PHLDB2: variants seen among roughly 807,000 people sequenced by gnomAD.
The protein encoded by PHLDB2 is pleckstrin homology like domain family B member 2, also known as pleckstrin homology-like domain family B member 2.
In PHLDB2, 71 loss-of-function variants were observed where a neutral mutation model predicts 123.6. The ratio of observed to expected loss-of-function variants is 0.57; its 90% CI spans 0.47 to 0.70. The LOEUF (loss-of-function observed/expected upper bound fraction) is 0.70, where lower values mean the gene tolerates loss of function less well. PHLDB2 is among the 30% of genes least tolerant of loss of function. The pLI, the probability that PHLDB2 is intolerant of heterozygous loss-of-function variation, is 0.00. For missense variants in PHLDB2, 1,446 were observed against 1,519.5 expected (o/e 0.95, Z 0.80); for synonymous variants, 547 against 541.6 (o/e 1.01, Z -0.14).
In PHLDB2 at chr3:111,885,152, T is replaced by A; in HGVS notation, c.1075T>A (p.Tyr359Asn). The stretch of plus-strand genomic sequence containing the variant: ...CTCTGATGACTTTGATCAGGCTTCA[T>A]ATGTGGGGACAAACCCGAGTCATTC... ...CASDDFDQASYVGTNPSHSLL... is the reference protein window; with the variant it reads ...CASDDFDQASNVGTNPSHSLL... The change falls in exon 2 of 18, where the codon TAT (tyrosine) becomes AAT (asparagine). Residue 359 changes from tyrosine (Y) to asparagine (N), a missense_variant. Physicochemically the swap from Tyr to Asn is moderately radical, Grantham distance 143. Around this residue, in one of 3 missense-constraint regions of PHLDB2, gnomAD observed 832 missense variants for 831.9 expected, o/e 1.00. Coordinates refer to ENST00000431670, the MANE Select transcript of PHLDB2 (RefSeq NM_001134438.2). 1.2e-6 allele frequency: 2 copies of A among 1,614,094 alleles called. No individual in the cohort carries two copies. The highest frequency in any genetic ancestry group is 1.7e-6 in the Non-Finnish European group (2 of 1,180,016).
intron 5 of PHLDB2, 103 bp downstream of exon 5, chr3:111,920,522 T>C: frequency 7.2e-7 from 1 of 1,397,422 alleles, no homozygotes; most frequent in Non-Finnish European, 9.6e-7. Context: ...TGGATTTGTG[T>C]GTCATGTTCC....
chr3:111,854,830 GA>G (rs924486775), upstream of PHLDB2, among the ~76,000 whole-genome samples: 4 of 152,264 alleles, frequency 2.6e-5, no homozygotes, highest in East Asian at 3.9e-4. Context: ...CAGTGGCTGT[GA>G]AAAAAGATGG....
chr3:111,856,242 T>G (rs2064501075), upstream of PHLDB2, among the ~76,000 whole-genome samples: 1 of 152,178 alleles, frequency 6.6e-6, no homozygotes, highest in African/African-American at 2.4e-5. Context: ...GAGGATTACT[T>G]TTTGTCTAGT....
At chr3:111,960,056 A>G (rs1164945677) in intron 12 of PHLDB2, 3 of 427,714 alleles carry the variant, frequency 7.0e-6, no homozygotes, top group African/African-American at 2.1e-5. Context: ...TTTTGAAATC[A>G]TAAGAAAATA....
At chr3:111,800,856 G>T (rs555635886) in intron 1 of PHLDB2, among the ~76,000 whole-genome samples, 2 of 152,124 alleles carry the variant, frequency 1.3e-5, no homozygotes, top group Non-Finnish European at 2.9e-5. Context: ...TACTAAATTT[G>T]GCTGGGGAAA....
intron 1 of PHLDB2, among the ~76,000 whole-genome samples, chr3:111,868,743 A>G (rs762770109): frequency 5.3e-5 from 8 of 152,138 alleles, no homozygotes; most frequent in Non-Finnish European, 8.8e-5. Context: ...CACCTTGATG[A>G]TTTATGTAAA....
intron 1 of PHLDB2, among the ~76,000 whole-genome samples, chr3:111,817,437 G>A (rs1239888579): frequency 6.6e-6 from 1 of 152,206 alleles, no homozygotes; most frequent in Admixed American, 6.5e-5. Flanking sequence ...AAAGGAGAAA[G>A]AATAGGATTG....
At chr3:111,901,130 C>T (rs181541533) in intron 2 of PHLDB2, among the ~76,000 whole-genome samples, 4 of 152,148 alleles carry the variant, frequency 2.6e-5, no homozygotes, top group South Asian at 2.1e-4. Flanking sequence ...GAGGCCGAGG[C>T]GGGCGAATCA....
At chr3:111,875,226 A>T (rs370058164) in intron 1 of PHLDB2, among the ~76,000 whole-genome samples, 1 of 151,850 alleles carries the variant, frequency 6.6e-6, no homozygotes, top group Non-Finnish European at 1.5e-5. Context: ...TCAGCTCACC[A>T]CAACCTCCGC....
intron 1 of PHLDB2, among the ~76,000 whole-genome samples, chr3:111,749,713 C>T (rs540669860): frequency 3.5e-4 from 53 of 152,272 alleles, no homozygotes; most frequent in Non-Finnish European, 2.1e-4. Flanking sequence ...CATTTTCCCC[C>T]TTATAATTTT....
At chr3:111,759,794 A>G (rs2059962958) in intron 1 of PHLDB2, among the ~76,000 whole-genome samples, 1 of 152,232 alleles carries the variant, frequency 6.6e-6, no homozygotes, top group Non-Finnish European at 1.5e-5. Context: ...ACAAGAGATG[A>G]CGTCAGATTT....
At position 111,913,502 on chromosome 3, in the gene PHLDB2, A is replaced by G; in HGVS notation, c.1519A>G (p.Arg507Gly). The stretch of plus-strand genomic sequence containing the variant: ...CCTCATGAGCCCTGACACAAGATAC[A>G]GGTGCCACCGGAAAGACTCCCTCCC... ...EALMSPDTRYRCHRKDSLPDA... is the reference protein window; with the variant it reads ...EALMSPDTRYGCHRKDSLPDA... The change falls in exon 3 of 18, where the codon AGG (arginine) becomes GGG (glycine). Residue 507 changes from arginine (R) to glycine (G), a missense_variant. Coordinates refer to ENST00000431670, the MANE Select transcript of PHLDB2 (RefSeq NM_001134438.2). The G allele has an allele frequency of 1.2e-6, 2 of 1,614,022 alleles. No individual in the cohort carries two copies. The highest frequency in any genetic ancestry group is 1.7e-6 in the Non-Finnish European group (2 of 1,180,010).
At chr3:111,951,445 A>AT (rs1319105196) in intron 10 of PHLDB2, among the ~76,000 whole-genome samples, 7 of 152,230 alleles carry the variant, frequency 4.6e-5, no homozygotes, top group Non-Finnish European at 8.8e-5. Context: ...TAAAATGCAG[A>AT]TTTTTATGAT....
chr3:111,925,545 T>C (rs2068764402), intron 5 of PHLDB2, among the ~76,000 whole-genome samples: 1 of 152,242 alleles, frequency 6.6e-6, no homozygotes, highest in Non-Finnish European at 1.5e-5. Context: ...GTATATTTAC[T>C]TGGTGAAGCA....
chr3:111,932,429 T>G, intron 6 of PHLDB2, 32 bp downstream of exon 6: 2 of 1,526,318 alleles, frequency 1.3e-6, no homozygotes, highest in South Asian at 1.3e-5. Flanking sequence ...ACCAGTTATT[T>G]TGCTTTTCGT....
chr3:111,822,126 A>G (rs1413769682), intron 1 of PHLDB2, among the ~76,000 whole-genome samples: 1 of 152,118 alleles, frequency 6.6e-6, no homozygotes, highest in Non-Finnish European at 1.5e-5. Context: ...AAAGCAGGCC[A>G]GGTTATATAT....
At chr3:111,763,224 C>T (rs918661176) in intron 1 of PHLDB2, among the ~76,000 whole-genome samples, 4 of 152,224 alleles carry the variant, frequency 2.6e-5, no homozygotes, top group Non-Finnish European at 4.4e-5. Flanking sequence ...ACTCTTCACA[C>T]ACTGTTTATG....
intron 1 of PHLDB2, among the ~76,000 whole-genome samples, chr3:111,815,840 A>T (rs1214269379): frequency 1.3e-5 from 2 of 152,184 alleles, no homozygotes; most frequent in Non-Finnish European, 2.9e-5. Context: ...GGGCATGTCG[A>T]GGTCTTTACA....
intron 1 of PHLDB2, among the ~76,000 whole-genome samples, chr3:111,789,019 G>A (rs1194739599): frequency 6.6e-6 from 1 of 152,170 alleles, no homozygotes; most frequent in African/African-American, 2.4e-5. Flanking sequence ...GCTATATTAT[G>A]TTCTTCTCCC....
Sources: allele counts gnomAD v4.1 joint callset (sites outside exome capture counted in the v4.1 genomes callset), GRCh38; gene constraint gnomAD v4.1.1; regional missense constraint gnomAD v4.1.1; transcripts MANE v1.5; gene names NCBI Gene and HGNC (gene_info 2026-07-23, HGNC 2026-07-21).